SH3TC2: variants seen among roughly 807,000 people sequenced by gnomAD.
SH3TC2 encodes SH3 domain and tetratricopeptide repeats 2, also known as SH3 domain and tetratricopeptide repeat-containing protein 2.
SH3TC2 carries 87 observed loss-of-function variants against 124.5 expected under a neutral mutation model. The ratio of observed to expected loss-of-function variants is 0.70; its 90% CI spans 0.59 to 0.84. The LOEUF is 0.84. Among genes scored for constraint, SH3TC2 ranks in the 40% least tolerant of loss-of-function variants. The pLI is 0.00. For missense variants in SH3TC2, 1,536 were observed against 1,566.4 expected (o/e 0.98, Z 0.33); for synonymous variants, 634 against 628.5 (o/e 1.01, Z -0.13).
rs1401459387 is a variant in SH3TC2 at position 148,998,864 on chromosome 5, G to C, written c.*5847C>G. 6.6e-6 allele frequency among the ~76,000 whole-genome samples: 1 copy of C among 152,130 alleles called. No individual in the cohort carries two copies. Among genetic ancestry groups the C allele is most frequent in the African/African-American group, 2.4e-5 (1 of 41,420 alleles). ...AATCAGACAGAGTTGGGAGAGTGAG[G>C]GGGTACATATCAGGAAATATATGCT... is the stretch of plus-strand genomic sequence containing the variant. On this transcript the variant is annotated 3_prime_UTR_variant, in exon 17 of 17. Coordinates refer to ENST00000515425, the MANE Select transcript of SH3TC2 (RefSeq NM_024577.4).
chr5:149,021,628 A>C (rs578002550), intron 12 of SH3TC2, among the ~76,000 whole-genome samples: 218 of 152,238 alleles, frequency 1.4e-3, no homozygotes, highest in African/African-American at 4.9e-3. Flanking sequence ...GAATAATATG[A>C]ACAATTGTAT....
intron 13 of SH3TC2, 103 bp from the exon 14 acceptor site, chr5:149,010,495 C>A: frequency 6.7e-7 from 1 of 1,499,080 alleles, no homozygotes; most frequent in South Asian, 1.2e-5. Flanking sequence ...AACTAATCCT[C>A]TGCTAAAGTC....
At chr5:149,058,557 T>A (rs999770893) in intron 1 of SH3TC2, among the ~76,000 whole-genome samples, 1 of 152,138 alleles carries the variant, frequency 6.6e-6, no homozygotes, top group Non-Finnish European at 1.5e-5. Context: ...CATTATTGAG[T>A]TGAAAGAGCT....
chr5:149,057,862 T>C (rs117965686), intron 1 of SH3TC2, among the ~76,000 whole-genome samples: 1 of 152,200 alleles, frequency 6.6e-6, no homozygotes, highest in Non-Finnish European at 1.5e-5. Flanking sequence ...AGTGAGCACA[T>C]AATTCAGGCA....
chr5:149,058,050 G>C (rs1415126341), intron 1 of SH3TC2, among the ~76,000 whole-genome samples: 1 of 152,154 alleles, frequency 6.6e-6, no homozygotes, highest in East Asian at 1.9e-4. Context: ...CTGACATTGA[G>C]TCCAACCCAT....
Position 148,993,265 on chromosome 5 carries a change from C to T in SH3TC2, c.*11446G>A, listed in dbSNP as rs568435486. Among the ~76,000 whole-genome samples, 1 of 152,226 alleles carries T rather than the reference C, an allele frequency of 6.6e-6. No individual in the cohort carries two copies. The highest frequency in any genetic ancestry group is 2.4e-5 in the African/African-American group (1 of 41,540). ...TCAAATTTAAACCAGGAAAATTTGA[C>T]TTAGTAGAAATAAAACTACGATGGA... On this transcript the variant is annotated 3_prime_UTR_variant, in exon 17 of 17. Coordinates refer to ENST00000515425, the MANE Select transcript of SH3TC2 (RefSeq NM_024577.4).
intron 11 of SH3TC2, 53 bp from the exon 12 acceptor site, chr5:149,026,805 A>C: frequency 3.1e-6 from 5 of 1,614,174 alleles, no homozygotes; most frequent in Non-Finnish European, 4.2e-6. Context: ...GAAATGGATA[A>C]AACTTGATCC....
intron 1 of SH3TC2, among the ~76,000 whole-genome samples, chr5:149,060,310 G>A (rs1754723910): frequency 6.6e-6 from 1 of 152,154 alleles, no homozygotes; most frequent in African/African-American, 2.4e-5. Context: ...ACAACTCATA[G>A]ATAGGGTGGG....
rs1753306124 is a variant in SH3TC2 at position 148,984,690 on chromosome 5, C to CA, written c.*20020dup. ...TGTATCCCTGAAGGGTAAATGTCCACATTTGCTTAGATGTTTAGTGGGTAT... is the reference window on the plus strand; with the variant it reads ...TGTATCCCTGAAGGGTAAATGTCCACAATTTGCTTAGATGTTTAGTGGGTAT... On this transcript the variant is annotated 3_prime_UTR_variant, in exon 17 of 17. Transcript: ENST00000515425. 1.3e-5 allele frequency among the ~76,000 whole-genome samples: 2 copies of CA among 152,144 alleles called. No homozygotes were observed. Among genetic ancestry groups the CA allele is most frequent in the Admixed American group, 1.3e-4 (2 of 15,256 alleles).
rs1392570794 is a variant in SH3TC2, at chr5:148,991,888, G to A, written c.*12823C>T. On this transcript the variant is annotated 3_prime_UTR_variant, in exon 17 of 17. Coordinates refer to ENST00000515425, the MANE Select transcript of SH3TC2 (RefSeq NM_024577.4). Reference sequence around the variant, plus strand: ...TGAGCCTCCTCTTGCACTGGAAGCTGGTATGCTGATGATGTCATGGTGGCT... The same window carrying A: ...TGAGCCTCCTCTTGCACTGGAAGCTAGTATGCTGATGATGTCATGGTGGCT... Among the ~76,000 whole-genome samples the A allele has an allele frequency of 6.6e-6, 1 of 152,162 alleles. No individual in the cohort carries two copies. Among genetic ancestry groups the A allele is most frequent in the Non-Finnish European group, 1.5e-5 (1 of 68,020 alleles).
chr5:149,041,740 G>T, intron 5 of SH3TC2, 123 bp from the exon 6 acceptor site: 2 of 1,041,338 alleles, frequency 1.9e-6, no homozygotes, highest in South Asian at 1.4e-5. Flanking sequence ...TAAAGTAGAC[G>T]TTTCACAGGG....
intron 8 of SH3TC2, among the ~76,000 whole-genome samples, chr5:149,036,399 T>C (rs1754284193): frequency 6.6e-6 from 1 of 152,156 alleles, no homozygotes; most frequent in Non-Finnish European, 1.5e-5. Context: ...TGTTTCTTCC[T>C]CTCTGTGGCT....
intron 12 of SH3TC2, among the ~76,000 whole-genome samples, chr5:149,017,936 A>T (rs1753902733): frequency 1.3e-5 from 2 of 152,218 alleles, no homozygotes; most frequent in Admixed American, 6.5e-5. Flanking sequence ...ACATTTATTC[A>T]CTTATGTATT....
At position 149,031,523 on chromosome 5, in the gene SH3TC2, C is replaced by G. The variant is rs1447511459; in HGVS notation, c.1135+31G>C. 4.3e-6 allele frequency: 7 copies of G among 1,614,014 alleles called. No homozygotes were observed. In the South Asian group the frequency reaches 7.7e-5, roughly 18 times the overall value. On this transcript the variant is annotated intron_variant, in intron 9 of 16. Transcript: ENST00000515425. Reference sequence around the variant, plus strand: ...CTATCTTATTCTTGAGGACCCCAGGCTTTTGAAGGTGTCTGAGGACCAACA... The same window carrying G: ...CTATCTTATTCTTGAGGACCCCAGGGTTTTGAAGGTGTCTGAGGACCAACA...
At chr5:149,029,789 G>A (rs1425659496) in intron 9 of SH3TC2, among the ~76,000 whole-genome samples, 1 of 152,158 alleles carries the variant, frequency 6.6e-6, no homozygotes, top group African/African-American at 2.4e-5. Context: ...AGTGACCACT[G>A]TTGGCTAAAG....
rs1753498572 is a variant in SH3TC2 at position 148,995,690 on chromosome 5, A to G, written c.*9021T>C. On this transcript the variant is annotated 3_prime_UTR_variant, in exon 17 of 17. Coordinates refer to ENST00000515425, the MANE Select transcript of SH3TC2 (RefSeq NM_024577.4). The stretch of plus-strand genomic sequence containing the variant: ...ATTTCATTCCTTTATTTTTTTATTC[A>G]CCCATTCAACAAATCTTTATTGAGA... Among the ~76,000 whole-genome samples the G allele has an allele frequency of 6.6e-6, 1 of 151,998 alleles. No homozygotes were observed.
chr5:149,042,797 G>T lies in SH3TC2; in HGVS notation c.426C>A (p.His142Gln). 1 of 1,614,176 alleles carries T rather than the reference G, an allele frequency of 6.2e-7. No homozygotes were observed. Among genetic ancestry groups the T allele is most frequent in the Non-Finnish European group, 8.5e-7 (1 of 1,180,038 alleles). ...SMCLEHLLFD[H>Q]KYWLNCILVE... ...CCAATATGCAGTTGAGCCAGTACTT[G>T]TGGTCAAAGAGGAGATGTTCTAGAC... The change falls in exon 5 of 17, where the codon CAC becomes CAA. Residue 142 changes from histidine (H) to glutamine (Q), a missense_variant. His to Gln is a conservative substitution (Grantham distance 24). Around this residue, in one of 3 missense-constraint regions of SH3TC2, gnomAD observed 1,102 missense variants for 1,098.6 expected, o/e 1.00. Transcript: ENST00000515425.
In SH3TC2 at chr5:149,002,270, T is replaced by C. The variant is rs1054249623; in HGVS notation, c.*2441A>G. ...CGATATGTAACTGTTCTGGAATGTG[T>C]GTGCCCCTGACTGTCTCCCAGGAAT... On this transcript the variant is annotated 3_prime_UTR_variant, in exon 17 of 17. Coordinates refer to ENST00000515425, the MANE Select transcript of SH3TC2 (RefSeq NM_024577.4). 1 of 152,670 alleles carries C rather than the reference T, an allele frequency of 6.6e-6. No individual in the cohort carries two copies. The highest frequency in any genetic ancestry group is 1.5e-5 in the Non-Finnish European group (1 of 68,088). The allele number at this position is 152,670 out of a possible 1,614,324, so 9.5% of individuals were successfully genotyped here.
chr5:149,041,731 A>C (rs1410687466), intron 5 of SH3TC2, 114 bp from the exon 6 acceptor site: 12 of 1,161,960 alleles, frequency 1.0e-5, no homozygotes, highest in Non-Finnish European at 1.4e-5. Context: ...TCCTGGAAGT[A>C]AAGTAGACGT....
Sources: gnomAD v4.1 joint callset for allele counts (sites outside exome capture counted in the v4.1 genomes callset) on GRCh38, gnomAD v4.1.1 for gene constraint, gnomAD v4.1.1 regional missense constraint, MANE v1.5 for transcripts, NCBI Gene and HGNC (gene_info 2026-07-23, HGNC 2026-07-21) for gene names.